Variants in EML6 observed in about 807,000 individuals in gnomAD.
EML6 encodes the protein EMAP like 6.
In EML6, 154 loss-of-function variants were observed where a neutral mutation model predicts 240.1. The observed-to-expected ratio is 0.64, with a 90% CI of 0.56 to 0.73. The LOEUF (loss-of-function observed/expected upper bound fraction) is 0.73, where lower values mean the gene tolerates loss of function less well. EML6 is among the 30% of genes least tolerant of loss of function. The pLI is 0.00. For missense variants in EML6, 2,964 were observed against 2,474.6 expected (o/e 1.20, Z -4.20); for synonymous variants, 1,148 against 899.0 (o/e 1.28, Z -4.95).
rs556377597 is a variant in EML6 at position 54,947,633 on chromosome 2, C to G, written c.4005-1249C>G. ...ATTGTACATAACTCCCCACGACATCCAGGAAGATGTCATTGTTTTTCTGAC... is the reference window on the plus strand; with the variant it reads ...ATTGTACATAACTCCCCACGACATCGAGGAAGATGTCATTGTTTTTCTGAC... On this transcript the variant is annotated intron_variant, in intron 28 of 41. Coordinates refer to ENST00000356458, the MANE Select transcript of EML6 (RefSeq NM_001039753.4). Among the ~76,000 whole-genome samples the G allele has an allele frequency of 9.2e-5, 14 of 152,226 alleles. No individual in the cohort carries two copies. The East Asian group carries it at 2.7e-3, about 29-fold the overall frequency.
At chr2:54,928,831 C>A in intron 28 of EML6, 80 bp downstream of exon 28, 2 of 1,495,332 alleles carry the variant, frequency 1.3e-6, no homozygotes, top group Non-Finnish European at 9.1e-7. Context: ...GTTTTCTTTG[C>A]CCTCAAAGTT....
In EML6 at chr2:54,894,950, G is replaced by A; in HGVS notation, c.2778G>A (p.Glu926=). 1 of 1,551,368 alleles carries A rather than the reference G, an allele frequency of 6.4e-7. No homozygotes were observed. Among genetic ancestry groups the A allele is most frequent in the Non-Finnish European group, 8.7e-7 (1 of 1,146,730 alleles). ...CAGGTGGAAAGGACGGCATCGTGGA[G>A]CTCTGGGATGATATGTTTGAAAGAT... ...FVTGGKDGIV[E]LWDDMFERCL... is the part of the protein sequence containing the mutation. Residue 926 remains glutamate, a synonymous_variant, in exon 20 of 42, where the codon GAG becomes GAA. Transcript: ENST00000356458.
At chr2:54,910,165 G>A (rs1673565258) in intron 24 of EML6, among the ~76,000 whole-genome samples, 1 of 152,112 alleles carries the variant, frequency 6.6e-6, no homozygotes, top group African/African-American at 2.4e-5. Flanking sequence ...TGGACAGTGG[G>A]CATACAGGGG....
intron 2 of EML6, among the ~76,000 whole-genome samples, chr2:54,799,614 A>T (rs1429487372): frequency 6.6e-6 from 1 of 152,198 alleles, no homozygotes; most frequent in African/African-American, 2.4e-5. Flanking sequence ...AAGTGCTGGG[A>T]TTAAGGGCGT....
chr2:54,901,315 G>T (rs1458213025), intron 22 of EML6, among the ~76,000 whole-genome samples: 1 of 152,184 alleles, frequency 6.6e-6, no homozygotes, highest in Non-Finnish European at 1.5e-5. Context: ...CTTTACACTA[G>T]GCTCCTGGGG....
chr2:54,827,366 T>C (rs948540046), intron 5 of EML6, among the ~76,000 whole-genome samples, 200 bp from the exon 6 acceptor site: 2 of 152,222 alleles, frequency 1.3e-5, no homozygotes, highest in Non-Finnish European at 2.9e-5. Flanking sequence ...AGTGTTGTTA[T>C]AGGCTTTTCT....
intron 24 of EML6, among the ~76,000 whole-genome samples, chr2:54,908,371 G>A (rs1024879870): frequency 1.3e-5 from 2 of 151,880 alleles, no homozygotes; most frequent in Non-Finnish European, 2.9e-5. Flanking sequence ...CACCATGCCC[G>A]GCTAATTTTT....
At position 54,770,982 on chromosome 2, in the gene EML6, A is replaced by C. The variant is rs114769425; in HGVS notation, c.198-42250A>C. Among the ~76,000 whole-genome samples the C allele has an allele frequency of 5.7e-3, 868 of 152,272 alleles. 7 individuals carry two copies. Among genetic ancestry groups the C allele is most frequent in the African/African-American group, 0.02 (831 of 41,570 alleles). On this transcript the variant is annotated intron_variant, in intron 2 of 41. Transcript: ENST00000356458. ...CTGAAATGGAAACACAGAGAGGAGC[A>C]GGTTTAATGTGGGGTGGGGAAGTGG... is the stretch of plus-strand genomic sequence containing the variant.
intron 19 of EML6, among the ~76,000 whole-genome samples, chr2:54,892,991 C>T (rs1459588632): frequency 6.6e-6 from 1 of 152,110 alleles, no homozygotes; most frequent in African/African-American, 2.4e-5. Context: ...TTGTCTTCCT[C>T]CTTGGTGACA....
At chr2:54,823,509 A>G (rs1053332241) in intron 5 of EML6, among the ~76,000 whole-genome samples, 2 of 152,206 alleles carry the variant, frequency 1.3e-5, no homozygotes, top group Non-Finnish European at 2.9e-5. Context: ...AAAATAAACT[A>G]GCCAATAAAT....
rs542608727 is a variant in EML6 at position 54,962,421 on chromosome 2, A to C, written c.4969-102A>C. On this transcript the variant is annotated intron_variant, in intron 35 of 41. Transcript: ENST00000356458. ...CCACCCCCATTCACCGGCAGTCATC[A>C]TTCTACTTTCTGTCTCCATGAATTT... 61 of 903,270 alleles carry C rather than the reference A, an allele frequency of 6.8e-5. No homozygotes were observed. The African/African-American group carries it at 9.4e-4, about 14-fold the overall frequency. 56.0% of individuals were successfully genotyped at this position (903,270 alleles called of 1,614,324 possible). A position where few individuals can be genotyped will look rare whatever the true frequency, so the allele number is the denominator to read the frequency against.
intron 2 of EML6, among the ~76,000 whole-genome samples, chr2:54,770,689 C>A: frequency 6.6e-6 from 1 of 152,180 alleles, no homozygotes; most frequent in East Asian, 1.9e-4. Context: ...CCTCCATGTT[C>A]ACAAATCTAG....
intron 2 of EML6, among the ~76,000 whole-genome samples, chr2:54,732,932 G>A (rs1683236434): frequency 6.6e-6 from 1 of 152,244 alleles, no homozygotes; most frequent in African/African-American, 2.4e-5. Context: ...CTGGACACAG[G>A]TCTGTTGAGC....
Position 54,961,995 on chromosome 2 carries a change from C to A in EML6, c.4969-528C>A, listed in dbSNP as rs1054440386. 2.0e-5 allele frequency among the ~76,000 whole-genome samples: 3 copies of A among 151,228 alleles called. No homozygotes were observed. The South Asian group carries it at 6.3e-4, about 32-fold the overall frequency. ...CTCCAGCCTGGGTGACAGAGTGAGA[C>A]CCTGCCTCAAAAAACAAACAAAAAC... On this transcript the variant is annotated intron_variant, in intron 35 of 41. Coordinates refer to ENST00000356458, the MANE Select transcript of EML6 (RefSeq NM_001039753.4).
chr2:54,887,105 G>A (rs1028578178), intron 17 of EML6, among the ~76,000 whole-genome samples: 2 of 152,138 alleles, frequency 1.3e-5, no homozygotes, highest in South Asian at 2.1e-4. Flanking sequence ...CCACCCTTTT[G>A]TACACTACTG....
chr2:54,895,490 G>A (rs1033721202), intron 21 of EML6, 90 bp downstream of exon 21: 2 of 1,297,462 alleles, frequency 1.5e-6, no homozygotes, highest in Non-Finnish European at 2.1e-6. Context: ...AAAACTTAAG[G>A]AGGCACTCAC....
At chr2:54,754,723 T>C (rs1684326326) in intron 2 of EML6, among the ~76,000 whole-genome samples, 1 of 152,338 alleles carries the variant, frequency 6.6e-6, no homozygotes, top group South Asian at 2.1e-4. Context: ...TGATTAGTGC[T>C]GTCTGGGTCC....
At chr2:54,808,231 C>G (rs530867619) in intron 2 of EML6, among the ~76,000 whole-genome samples, 4 of 152,346 alleles carry the variant, frequency 2.6e-5, no homozygotes, top group African/African-American at 9.6e-5. Context: ...AAGCGCATCT[C>G]TTGGGACCAG....
chr2:54,856,307 A>G (rs1181098847), intron 11 of EML6, among the ~76,000 whole-genome samples: 1 of 152,016 alleles, frequency 6.6e-6, no homozygotes, highest in Non-Finnish European at 1.5e-5. Context: ...CTCAATGACA[A>G]TTTTCCATGT....
Sources: allele counts gnomAD v4.1 joint callset (sites outside exome capture counted in the v4.1 genomes callset), GRCh38; gene constraint gnomAD v4.1.1; transcripts MANE v1.5; gene names NCBI Gene and HGNC (gene_info 2026-07-23, HGNC 2026-07-21).